SNX8: variants seen among roughly 807,000 people sequenced by gnomAD.
The protein encoded by SNX8 is sorting nexin-8.
Under a neutral mutation model 51.6 loss-of-function variants are expected in SNX8, and 25 were observed. The observed-to-expected ratio is 0.48, with a 90% confidence interval of 0.35 to 0.68. The LOEUF is 0.68. Ranked by LOEUF, SNX8 falls within the 30% of genes least tolerant of loss-of-function variation. SNX8 has a pLI of 0.00. For missense variants in SNX8, 695 were observed against 624.0 expected, an observed-to-expected ratio of 1.11 and a Z score of -1.21; for synonymous variants, 324 against 277.0, an observed-to-expected ratio of 1.17 and a Z score of -1.68.
intron 1 of SNX8, among the ~76,000 whole-genome samples, chr7:2,333,288 C>T (rs1013091631): frequency 2.0e-5 from 3 of 152,082 alleles, no homozygotes; most frequent in Non-Finnish European, 4.4e-5. Flanking sequence ...TTTGGCTGGG[C>T]GCAGTGGCTC....
At chr7:2,342,428 C>T (rs752994105) in intron 1 of SNX8, among the ~76,000 whole-genome samples, 87 of 151,896 alleles carry the variant, frequency 5.7e-4, no homozygotes, top group Admixed American at 2.6e-3. Flanking sequence ...CTGAGGAGGG[C>T]GGATCACTTG....
chr7:2,283,309 G>A (rs923361450), intron 1 of SNX8, among the ~76,000 whole-genome samples: 2 of 152,158 alleles, frequency 1.3e-5, no homozygotes, highest in African/African-American at 4.8e-5. Flanking sequence ...GCTGTTGCCT[G>A]GAGGCCAAGC....
At chr7:2,261,746 G>A (rs1210066608) in intron 7 of SNX8, among the ~76,000 whole-genome samples, 1 of 149,610 alleles carries the variant, frequency 6.7e-6, no homozygotes. Context: ...GCACGGGGGC[G>A]GAAGAGGAAG....
At chr7:2,307,297 T>C (rs748371964) in intron 1 of SNX8, among the ~76,000 whole-genome samples, 8 of 151,912 alleles carry the variant, frequency 5.3e-5, no homozygotes, top group African/African-American at 1.2e-4. Flanking sequence ...GGTGATTCTA[T>C]AGTAGAAATA....
intron 1 of SNX8, among the ~76,000 whole-genome samples, chr7:2,282,025 G>A (rs540645844): frequency 2.6e-5 from 4 of 152,264 alleles, no homozygotes; most frequent in South Asian, 2.1e-4. Context: ...CTGAAATGCC[G>A]CTCACTATCT....
chr7:2,311,784 A>G (rs181480703), intron 1 of SNX8, among the ~76,000 whole-genome samples: 110 of 152,010 alleles, frequency 7.2e-4, no homozygotes, highest in Non-Finnish European at 1.3e-3. Context: ...AAAAATACAA[A>G]AAATTAGCCG....
chr7:2,353,523 C>T (rs754242564), intron 1 of SNX8, among the ~76,000 whole-genome samples: 16 of 152,128 alleles, frequency 1.1e-4, no homozygotes, highest in Non-Finnish European at 2.4e-4. Flanking sequence ...CTCAAGTGAT[C>T]CTCCTGTCTT....
At chr7:2,277,037 C>T (rs1028768788) in intron 2 of SNX8, among the ~76,000 whole-genome samples, 3 of 152,254 alleles carry the variant, frequency 2.0e-5, no homozygotes, top group South Asian at 2.1e-4. Flanking sequence ...GCCGTCCGGC[C>T]GGGGCTGGGC....
intron 1 of SNX8, among the ~76,000 whole-genome samples, chr7:2,351,389 A>G (rs1402585014): frequency 2.0e-5 from 3 of 152,184 alleles, no homozygotes; most frequent in African/African-American, 7.2e-5. Context: ...CCATCTCTAC[A>G]GAAAAACAAA....
chr7:2,258,820 A>T (rs762482257), intron 7 of SNX8, among the ~76,000 whole-genome samples: 16 of 152,156 alleles, frequency 1.1e-4, no homozygotes, highest in Non-Finnish European at 1.8e-4. Context: ...CAGCACAGCC[A>T]CAGAGAGAGC....
chr7:2,299,359 CCT>C (rs779013747), intron 1 of SNX8: 2 of 151,934 alleles, frequency 1.3e-5, no homozygotes, highest in Non-Finnish European at 2.9e-5. Context: ...CAGATGATTT[CCT>C]CTGACTCAAA....
intron 1 of SNX8, among the ~76,000 whole-genome samples, chr7:2,332,756 AAG>A (rs1778759481): frequency 6.7e-6 from 1 of 149,706 alleles, no homozygotes. Context: ...GGAAGGAAGG[AAG>A]GAAGGAAGGA....
intron 10 of SNX8, 56 bp downstream of exon 10, chr7:2,256,818 C>A: frequency 1.3e-6 from 2 of 1,558,670 alleles, no homozygotes; most frequent in South Asian, 1.2e-5. Context: ...GAAGGAAGGG[C>A]GGAGGGACAA....
chr7:2,349,125 A>G (rs1779091006), intron 1 of SNX8, among the ~76,000 whole-genome samples: 1 of 150,482 alleles, frequency 6.6e-6, no homozygotes, highest in African/African-American at 2.4e-5. Flanking sequence ...AACTGCTTGA[A>G]CCTGGGAGGT....
At chr7:2,345,829 C>T (rs991263092) in intron 1 of SNX8, among the ~76,000 whole-genome samples, 9 of 151,940 alleles carry the variant, frequency 5.9e-5, no homozygotes, top group South Asian at 2.1e-4. Context: ...TTTTTTGAGA[C>T]GGAGTTTCAC....
intron 1 of SNX8, among the ~76,000 whole-genome samples, chr7:2,344,345 C>T (rs1001705951): frequency 6.6e-6 from 1 of 152,022 alleles, no homozygotes; most frequent in Non-Finnish European, 1.5e-5. Context: ...TAGACAGTGG[C>T]TCACACCTGT....
intron 1 of SNX8, among the ~76,000 whole-genome samples, chr7:2,320,886 G>C (rs367592026): frequency 6.6e-6 from 1 of 152,112 alleles, no homozygotes; most frequent in Non-Finnish European, 1.5e-5. Flanking sequence ...CGGGCCTGGT[G>C]GTGGGTGCCT....
In SNX8 at chr7:2,306,413, G is replaced by A. The variant is rs548541735; in HGVS notation, c.94+7915C>T. On this transcript the variant is annotated intron_variant, in intron 1 of 10. Coordinates refer to ENST00000222990, the MANE Select transcript of SNX8 (RefSeq NM_013321.4). ...GCGTGAGCCACCGTGCCCAGCCTCC[G>A]GGACAAATTTTAATATGGATTCCAT... Among the ~76,000 whole-genome samples the A allele has an allele frequency of 7.2e-5, 11 of 152,184 alleles. No homozygotes were observed. The South Asian group carries it at 8.3e-4, about 12-fold the overall frequency.
At chr7:2,304,968 C>T (rs1427938112) in intron 1 of SNX8, among the ~76,000 whole-genome samples, 2 of 152,208 alleles carry the variant, frequency 1.3e-5, no homozygotes, top group Non-Finnish European at 2.9e-5. Context: ...CTCTCCTTGA[C>T]AGCTTTGGCC....
Sources: gnomAD v4.1 joint callset for allele counts (sites outside exome capture counted in the v4.1 genomes callset) on GRCh38, gnomAD v4.1.1 for gene constraint, MANE v1.5 for transcripts, NCBI Gene and HGNC (gene_info 2026-07-23, HGNC 2026-07-21) for gene names.